Variants in PCDH11X observed in about 807,000 individuals in gnomAD.
The protein encoded by PCDH11X is protocadherin-11 X-linked.
Under a neutral mutation model 53.3 loss-of-function variants are expected in PCDH11X, and 18 were observed. The ratio of observed to expected loss-of-function variants is 0.34; its 90% CI spans 0.23 to 0.50. The LOEUF is 0.50. Among genes scored for constraint, PCDH11X ranks in the 20% least tolerant of loss-of-function variants. PCDH11X has a pLI of 0.98. For missense variants in PCDH11X, 570 were observed against 1,032.4 expected, an observed-to-expected ratio of 0.55 and a Z score of 6.14; for synonymous variants, 279 against 393.3, an observed-to-expected ratio of 0.71 and a Z score of 3.44.
intron 6 of PCDH11X, among the ~76,000 whole-genome samples, chrX:91,943,844 C>A (rs1307616373): frequency 9.9e-6 from 1 of 101,191 alleles, no homozygotes; most frequent in Non-Finnish European, 2.0e-5. Context: ...CTCCACATTT[C>A]TTTCAGACTA....
chrX:92,538,263 C>A (rs1042977686), intron 10 of PCDH11X, among the ~76,000 whole-genome samples: 21 of 101,584 alleles, frequency 2.1e-4, no homozygotes, highest in Non-Finnish European at 3.4e-4. Flanking sequence ...GTATCTATAT[C>A]GGAGAAGTTT....
At chrX:92,227,153 A>G (rs1175526386) in intron 7 of PCDH11X, among the ~76,000 whole-genome samples, 2 of 111,568 alleles carry the variant, frequency 1.8e-5, no homozygotes, top group East Asian at 5.7e-4. Context: ...GAGTGCACTT[A>G]TAGTGTCTGC....
At chrX:92,414,052 G>A (rs1257122030) in intron 9 of PCDH11X, among the ~76,000 whole-genome samples, 1 of 109,038 alleles carries the variant, frequency 9.2e-6, no homozygotes, top group Non-Finnish European at 1.9e-5. Context: ...TGTTAAAACC[G>A]CAAAAAGAGG....
At chrX:91,815,120 G>A (rs1936413113) in intron 4 of PCDH11X, among the ~76,000 whole-genome samples, 1 of 111,041 alleles carries the variant, frequency 9.0e-6, no homozygotes, top group Admixed American at 9.6e-5. Flanking sequence ...CACACAGCTA[G>A]TGAGTGGTGG....
At chrX:92,591,446 C>T (rs1925023871) in intron 10 of PCDH11X, among the ~76,000 whole-genome samples, 1 of 110,238 alleles carries the variant, frequency 9.1e-6, no homozygotes, top group South Asian at 3.9e-4. Context: ...ATGAATTAGT[C>T]TTTCTATGCC....
chrX:92,114,045 A>G (rs1274766651), intron 6 of PCDH11X: 1 of 1,190,846 alleles, frequency 8.4e-7, no homozygotes. Flanking sequence ...CAGCACGCAC[A>G]TTGGTGCCCC....
intron 6 of PCDH11X, among the ~76,000 whole-genome samples, chrX:92,064,819 C>G (rs1365355103): frequency 9.5e-6 from 1 of 105,089 alleles, no homozygotes; most frequent in African/African-American, 3.7e-5. Flanking sequence ...TGGGGAAATG[C>G]AGGAACCCAC....
intron 8 of PCDH11X, among the ~76,000 whole-genome samples, chrX:92,356,168 T>C (rs753817927): frequency 9.0e-6 from 1 of 111,527 alleles, no homozygotes; most frequent in African/African-American, 3.3e-5. Context: ...GCACTAAGAA[T>C]TCATTTACTT....
chrX:91,987,904 T>C (rs1200398938), intron 6 of PCDH11X, among the ~76,000 whole-genome samples: 1 of 110,982 alleles, frequency 9.0e-6, no homozygotes, highest in African/African-American at 3.3e-5. Flanking sequence ...CTCACAAAAA[T>C]AATTTTATCT....
In PCDH11X at chrX:92,020,034, C is replaced by T. The variant is rs762993870; in HGVS notation, c.3033+140761C>T. ...GAATGTGCTACCCAGCCTGGGAAAC[C>T]GTGCTTTTCCACTGAACTGTGCAAC... On this transcript the variant is annotated intron_variant, in intron 6 of 10. Transcript: ENST00000682573. 8.5e-3 allele frequency among the ~76,000 whole-genome samples: 958 copies of T among 112,330 alleles called. 3 individuals carry two copies. Among genetic ancestry groups the T allele is most frequent in the Admixed American group, 0.018 (187 of 10,597 alleles).
At chrX:92,110,851 G>T (rs2064488106) in intron 6 of PCDH11X, among the ~76,000 whole-genome samples, 1 of 110,509 alleles carries the variant, frequency 9.0e-6, no homozygotes, top group African/African-American at 3.3e-5. Flanking sequence ...TGAGTTTGGG[G>T]TCCAAAAATT....
At chrX:91,918,227 G>A (rs2524614) in intron 6 of PCDH11X, among the ~76,000 whole-genome samples, 10 of 110,253 alleles carry the variant, frequency 9.1e-5, no homozygotes, top group Non-Finnish European at 1.7e-4. Flanking sequence ...CTAGAGTCTC[G>A]CATTATTATT....
At chrX:92,535,687 A>G (rs2074645388) in intron 10 of PCDH11X, among the ~76,000 whole-genome samples, 1 of 111,883 alleles carries the variant, frequency 8.9e-6, no homozygotes, top group African/African-American at 3.2e-5. Flanking sequence ...ATTAAATTAG[A>G]TCATATCATG....
rs1243501966 is a variant in PCDH11X at position 91,921,299 on chromosome X, T to C, written c.3033+42026T>C. Among the ~76,000 whole-genome samples, 15 of 110,992 alleles carry C rather than the reference T, an allele frequency of 1.4e-4. 1 individual carries two copies. The highest frequency in any genetic ancestry group is 2.6e-4 in the Non-Finnish European group (14 of 52,963). ...AGAGTGACACATTTGTTATAGTTGA[T>C]GAATTTACACATCAATATCACCCAA... On this transcript the variant is annotated intron_variant, in intron 6 of 10. Coordinates refer to ENST00000682573, the MANE Select transcript of PCDH11X (RefSeq NM_032968.5).
At chrX:92,435,732 C>CA (rs1290784910) in intron 9 of PCDH11X, among the ~76,000 whole-genome samples, 5 of 111,117 alleles carry the variant, frequency 4.5e-5, no homozygotes, top group African/African-American at 1.6e-4. Flanking sequence ...TTAAGATAAG[C>CA]AAATGTTGAG....
intron 9 of PCDH11X, among the ~76,000 whole-genome samples, chrX:92,407,759 A>G (rs1343556370): frequency 9.0e-6 from 1 of 111,539 alleles, no homozygotes; most frequent in Non-Finnish European, 1.9e-5. Flanking sequence ...ATTTTTAGAT[A>G]TTGTTAAGCT....
At chrX:91,936,212 G>C (rs2061442696) in intron 6 of PCDH11X, among the ~76,000 whole-genome samples, 1 of 108,439 alleles carries the variant, frequency 9.2e-6, no homozygotes, top group Non-Finnish European at 1.9e-5. Flanking sequence ...TGATCTTCAA[G>C]TTATGTACAA....
chrX:91,820,790 G>A (rs1404970897), intron 4 of PCDH11X, among the ~76,000 whole-genome samples: 1 of 101,765 alleles, frequency 9.8e-6, no homozygotes, highest in Non-Finnish European at 1.9e-5. Context: ...TTCTTCTAGC[G>A]TTTTTATGGT....
intron 10 of PCDH11X, among the ~76,000 whole-genome samples, chrX:92,555,547 T>C (rs2075032840): frequency 8.9e-6 from 1 of 111,895 alleles, no homozygotes; most frequent in African/African-American, 3.3e-5. Context: ...TTAAAGTTTA[T>C]TGTAGGCAGT....
Sources: allele counts gnomAD v4.1 joint callset (sites outside exome capture counted in the v4.1 genomes callset), GRCh38; gene constraint gnomAD v4.1.1; transcripts MANE v1.5; gene names NCBI Gene and HGNC (gene_info 2026-07-23, HGNC 2026-07-21).